The following SLC3A1 variants were observed in gnomAD, a reference collection of about 807,000 sequenced individuals.
SLC3A1 encodes amino acid transporter heavy chain SLC3A1.
SLC3A1 carries 78 observed loss-of-function variants against 60.3 expected under a neutral mutation model. The observed-to-expected ratio is 1.29, with a 90% CI of 1.08 to 1.56. The LOEUF is 1.56. Among genes scored for constraint, SLC3A1 ranks in the 40% most tolerant of loss-of-function variants. The pLI, the probability that SLC3A1 is intolerant of heterozygous loss-of-function variation, is 0.00. For missense variants in SLC3A1, 1,172 were observed against 858.9 expected, an observed-to-expected ratio of 1.36 and a Z score of -4.56; for synonymous variants, 392 against 307.9, an observed-to-expected ratio of 1.27 and a Z score of -2.86.
At chr2:44,300,151 T>G (rs900140832) in intron 5 of SLC3A1, 61 bp downstream of exon 5, 1 of 1,555,720 alleles carries the variant, frequency 6.4e-7, no homozygotes, top group African/African-American at 1.4e-5. Flanking sequence ...CAGAGTGTTT[T>G]CTTTCTCAGC....
intron 3 of SLC3A1, among the ~76,000 whole-genome samples, chr2:44,282,987 G>GGGC (rs1278176448): frequency 6.6e-6 from 1 of 152,062 alleles, no homozygotes; most frequent in African/African-American, 2.4e-5. Flanking sequence ...TCAACAATAT[G>GGGC]CGTGTTGATC....
chr2:44,306,157 C>G (rs1672151447), intron 7 of SLC3A1, among the ~76,000 whole-genome samples: 1 of 152,150 alleles, frequency 6.6e-6, no homozygotes, highest in Admixed American at 6.5e-5. Flanking sequence ...AGTTGCCTTA[C>G]ACTAGTCAAT....
At chr2:44,312,482 C>G in intron 7 of SLC3A1, 104 bp from the exon 8 acceptor site, 2 of 1,224,414 alleles carry the variant, frequency 1.6e-6, no homozygotes, top group Non-Finnish European at 2.4e-6. Flanking sequence ...ACCAAGGTAC[C>G]ACATCTACTT....
At chr2:44,306,142 G>T (rs1340695293) in intron 7 of SLC3A1, among the ~76,000 whole-genome samples, 2 of 152,128 alleles carry the variant, frequency 1.3e-5, no homozygotes, top group African/African-American at 4.8e-5. Context: ...TATATATAGA[G>T]AGAGAGTTGC....
At chr2:44,277,364 T>A (rs978852898) in intron 1 of SLC3A1, among the ~76,000 whole-genome samples, 1 of 152,032 alleles carries the variant, frequency 6.6e-6, no homozygotes, top group African/African-American at 2.4e-5. Context: ...CCCCTTGGCC[T>A]CCCAAAACTC....
intron 4 of SLC3A1, among the ~76,000 whole-genome samples, chr2:44,296,684 C>T (rs1051202493): frequency 6.6e-6 from 1 of 152,180 alleles, no homozygotes; most frequent in African/African-American, 2.4e-5. Flanking sequence ...CTTGAAACCT[C>T]CATATTCACG....
chr2:44,308,468 A>T (rs532625866), intron 7 of SLC3A1, among the ~76,000 whole-genome samples: 1 of 152,278 alleles, frequency 6.6e-6, no homozygotes, highest in East Asian at 1.9e-4. Context: ...ATGAAGACAG[A>T]TGTATCTTAT....
intron 4 of SLC3A1, among the ~76,000 whole-genome samples, chr2:44,287,869 C>T (rs956439069): frequency 1.3e-5 from 2 of 152,068 alleles, no homozygotes; most frequent in African/African-American, 4.8e-5. Context: ...AGCTGTCATG[C>T]TGGAGTCACT....
At chr2:44,277,086 C>T (rs1671360798) in intron 1 of SLC3A1, among the ~76,000 whole-genome samples, 1 of 86,694 alleles carries the variant, frequency 1.2e-5, no homozygotes, top group Admixed American at 1.1e-4. Context: ...TTTCACGCTC[C>T]TATCATTCTC....
intron 3 of SLC3A1, among the ~76,000 whole-genome samples, chr2:44,284,691 G>A (rs1408774877): frequency 6.6e-6 from 1 of 151,976 alleles, no homozygotes; most frequent in South Asian, 2.1e-4. Context: ...AGCCTCCTTA[G>A]TAGCTGGGAC....
At position 44,275,875 on chromosome 2, in the gene SLC3A1, T is replaced by TGCCTA. The variant is rs755432720; in HGVS notation, c.342_346dup (p.Asp116AlafsTer2). On this transcript the variant is annotated frameshift_variant, in exon 1 of 10. Coordinates refer to ENST00000260649, the MANE Select transcript of SLC3A1 (RefSeq NM_000341.4). LOFTEE classifies it high-confidence loss of function. ...AGCCATCATTGCCCTCTCTCCAAAG[T>TGCCTA]GCCTAGACTGGTGGCAGGAGGGGCC... The TGCCTA allele has an allele frequency of 1.2e-6, 2 of 1,614,212 alleles. No individual in the cohort carries two copies. The highest frequency in any genetic ancestry group is 1.7e-6 in the Non-Finnish European group (2 of 1,180,044).
chr2:44,290,534 T>C (rs916472162), intron 4 of SLC3A1, among the ~76,000 whole-genome samples: 1 of 152,232 alleles, frequency 6.6e-6, no homozygotes, highest in Non-Finnish European at 1.5e-5. Context: ...AGCCATCTTA[T>C]GTTAAGTCTT....
intron 3 of SLC3A1, among the ~76,000 whole-genome samples, chr2:44,283,170 C>T (rs1288632774): frequency 1.3e-5 from 2 of 152,112 alleles, no homozygotes; most frequent in Non-Finnish European, 2.9e-5. Context: ...AATATTTAAA[C>T]ATCAACTTTT....
chr2:44,313,027 T>TATTTA (rs1420561926), intron 8 of SLC3A1, among the ~76,000 whole-genome samples: 4 of 152,090 alleles, frequency 2.6e-5, no homozygotes, highest in African/African-American at 9.7e-5. Context: ...AAAATTTATT[T>TATTTA]ATTTATTTTG....
chr2:44,312,761 G>A lies in SLC3A1; in HGVS notation c.1500+8G>A. On this transcript the variant is annotated splice_region_variant and intron_variant, in intron 8 of 9. Coordinates refer to ENST00000260649, the MANE Select transcript of SLC3A1 (RefSeq NM_000341.4). The stretch of plus-strand genomic sequence containing the variant: ...AATGAAAGCTATGATATTGTAAGTT[G>A]AATACAACTTGACTATTCATCACAG... 1 of 1,601,622 alleles carries A rather than the reference G, an allele frequency of 6.2e-7. No individual in the cohort carries two copies. Among genetic ancestry groups the A allele is most frequent in the Non-Finnish European group, 8.5e-7 (1 of 1,176,828 alleles).
chr2:44,305,205 G>A (rs776331714), intron 7 of SLC3A1, among the ~76,000 whole-genome samples: 1 of 152,000 alleles, frequency 6.6e-6, no homozygotes, highest in South Asian at 2.1e-4. Context: ...CATACCTGTG[G>A]TAACAGACCA....
At chr2:44,284,478 G>A (rs1671570262) in intron 3 of SLC3A1, among the ~76,000 whole-genome samples, 1 of 152,094 alleles carries the variant, frequency 6.6e-6, no homozygotes, top group African/African-American at 2.4e-5. Context: ...CAAAATGGTT[G>A]TACCAATTTA....
At chr2:44,315,371 G>A (rs1261641629) in intron 9 of SLC3A1, 1 of 151,876 alleles carries the variant, frequency 6.6e-6, no homozygotes, top group East Asian at 1.9e-4. Flanking sequence ...AATTAGGGCT[G>A]GGCACCATGG....
At chr2:44,281,870 C>A (rs913080044) in intron 3 of SLC3A1, among the ~76,000 whole-genome samples, 1 of 152,066 alleles carries the variant, frequency 6.6e-6, no homozygotes, top group Non-Finnish European at 1.5e-5. Flanking sequence ...ACTATCCATA[C>A]CCCTTTGCAT....
Sources: allele counts gnomAD v4.1 joint callset (sites outside exome capture counted in the v4.1 genomes callset), GRCh38; gene constraint gnomAD v4.1.1; transcripts MANE v1.5; gene names NCBI Gene and HGNC (gene_info 2026-07-23, HGNC 2026-07-21).